The following DNAH12 variants were observed in gnomAD, a reference collection of about 807,000 sequenced individuals.
DNAH12 encodes axonemal beta dynein heavy chain 12.
In DNAH12, 285 loss-of-function variants were observed where a neutral mutation model predicts 371.5. The observed-to-expected ratio is 0.77, with a 90% CI of 0.70 to 0.85. The LOEUF (loss-of-function observed/expected upper bound fraction) is 0.85. DNAH12 is among the 40% of genes least tolerant of loss of function. The probability of loss-of-function intolerance (pLI) is 0.00; values close to 1 mark genes in which losing one functional copy is unlikely to be tolerated. For synonymous variants in DNAH12, 1,200 were observed against 1,213.0 expected (o/e 0.99, Z 0.22); for missense variants, 3,611 against 3,689.4 (o/e 0.98, Z 0.55).
chr3:57,406,724 T>A (rs2064039603), intron 40 of DNAH12, among the ~76,000 whole-genome samples: 1 of 152,208 alleles, frequency 6.6e-6, no homozygotes, highest in Admixed American at 6.5e-5. Context: ...ATTTGTTCTC[T>A]CTCTTCCCTT....
chr3:57,446,656 GAGCACCTCCAAGGTTTAAATAGAA>G lies in DNAH12; in HGVS notation c.3796_3819del (p.Phe1266_Ala1273del). 1 of 1,544,160 alleles carries G rather than the reference GAGCACCTCCAAGGTTTAAATAGAA, an allele frequency of 6.5e-7. No individual in the cohort carries two copies. ...TTTCCTGTGCCTGCTGGCCCCTCTG[GAGCACCTCCAAGGTTTAAATAGAA>G]AGCACCTATCTGAAATGAAAAACAC... is the stretch of plus-strand genomic sequence containing the variant. On this transcript the variant is annotated inframe_deletion, in exon 26 of 74. Coordinates refer to ENST00000495027, the MANE Select transcript of DNAH12 (RefSeq NM_001366028.2).
In DNAH12 at chr3:57,334,488, G is replaced by A; in HGVS notation, c.9955C>T (p.Leu3319Phe). 1 of 1,549,252 alleles carries A rather than the reference G, an allele frequency of 6.5e-7. No homozygotes were observed. Residue 3319 changes from leucine (L) to phenylalanine (F), a missense_variant, in exon 62 of 74, where the codon CTT (leucine) becomes TTT (phenylalanine). This residue lies in a region of DNAH12 where 2,266 missense variants were observed against 2,236.9 expected (regional missense o/e 1.01). Coordinates refer to ENST00000495027, the MANE Select transcript of DNAH12 (RefSeq NM_001366028.2). Reference sequence around the variant, plus strand: ...ACCTTATCAGGTCTTAAACACCGAAGAATTATTATTTTCTGTAGTTCATTT... The same window carrying A: ...ACCTTATCAGGTCTTAAACACCGAAAAATTATTATTTTCTGTAGTTCATTT... ...NLNELQKIII[L>F]RCLRPDKITP...
At chr3:57,502,506 G>A (rs368939877) in intron 9 of DNAH12, 27 bp from the exon 10 acceptor site, 13 of 1,597,226 alleles carry the variant, frequency 8.1e-6, no homozygotes, top group Admixed American at 3.4e-5. Flanking sequence ...TAATAACAAT[G>A]TATACAATAA....
At chr3:57,414,300 A>G (rs944584367) in intron 38 of DNAH12, among the ~76,000 whole-genome samples, 28 of 152,222 alleles carry the variant, frequency 1.8e-4, no homozygotes, top group Admixed American at 7.2e-4. Flanking sequence ...TGTTTCTACA[A>G]CATTTCTACA....
chr3:57,458,637 A>G (rs959324720), intron 20 of DNAH12, among the ~76,000 whole-genome samples: 2 of 152,202 alleles, frequency 1.3e-5, no homozygotes, highest in Non-Finnish European at 2.9e-5. Flanking sequence ...ATAAGTTGTA[A>G]GCTAAAAATT....
chr3:57,342,428 C>T (rs2062422298), intron 60 of DNAH12, among the ~76,000 whole-genome samples: 1 of 134,066 alleles, frequency 7.5e-6, no homozygotes, highest in South Asian at 2.3e-4. Flanking sequence ...ATCATGAGGT[C>T]AGGAGTTCGA....
At chr3:57,472,387 G>T (rs1003231808) in intron 14 of DNAH12, among the ~76,000 whole-genome samples, 159 bp downstream of exon 14, 4 of 152,114 alleles carry the variant, frequency 2.6e-5, no homozygotes, top group Admixed American at 2.6e-4. Flanking sequence ...CTAACAGCTT[G>T]TCTTAAGCCT....
chr3:57,306,177 G>A (rs2107667523), intron 69 of DNAH12, among the ~76,000 whole-genome samples: 1 of 152,266 alleles, frequency 6.6e-6, no homozygotes, highest in East Asian at 1.9e-4. Context: ...GATCGCCTCA[G>A]AAGCCCCTAA....
intron 2 of DNAH12, among the ~76,000 whole-genome samples, chr3:57,528,496 G>C (rs112275046): frequency 1 from 149,155 of 149,172 alleles, 74,569 homozygotes; most frequent in Middle Eastern, 1. Context: ...GAGGCCAAGG[G>C]GGGGGGATCC....
chr3:57,516,924 G>A (rs2068221882), intron 4 of DNAH12, among the ~76,000 whole-genome samples: 1 of 152,080 alleles, frequency 6.6e-6, no homozygotes, highest in Non-Finnish European at 1.5e-5. Context: ...CCTCATCTCT[G>A]GCTCCTGACC....
At chr3:57,477,814 G>C (rs562006129) in intron 13 of DNAH12, among the ~76,000 whole-genome samples, 5 of 152,074 alleles carry the variant, frequency 3.3e-5, no homozygotes, top group African/African-American at 1.2e-4. Flanking sequence ...AGGCAAACAG[G>C]GTCTGGAGTG....
chr3:57,520,068 G>A (rs961497269), intron 4 of DNAH12: 2 of 491,816 alleles, frequency 4.1e-6, no homozygotes, highest in Non-Finnish European at 7.0e-6. Context: ...AGGCTGTGGC[G>A]GCTCTGTGGC....
intron 2 of DNAH12, among the ~76,000 whole-genome samples, chr3:57,526,535 T>C (rs891849331): frequency 6.7e-6 from 1 of 149,520 alleles, no homozygotes; most frequent in African/African-American, 2.5e-5. Flanking sequence ...ATCTTTTTTT[T>C]TTTTTTTTTT....
chr3:57,386,388 T>C (rs2063500128), intron 47 of DNAH12, 53 bp downstream of exon 47: 2 of 150,910 alleles, frequency 1.3e-5, no homozygotes, highest in South Asian at 4.1e-4. Flanking sequence ...TGTATTATTA[T>C]TTCTTATACT....
intron 29 of DNAH12, among the ~76,000 whole-genome samples, chr3:57,438,052 T>C (rs2065183388): frequency 6.6e-6 from 1 of 152,160 alleles, no homozygotes; most frequent in Non-Finnish European, 1.5e-5. Context: ...CTCATGCCTG[T>C]AATCCCAGCA....
chr3:57,322,439 T>C lies in DNAH12; in HGVS notation c.10428A>G (p.Glu3476=), dbSNP rs1350278364. The change falls in exon 65 of 74, where the codon GAA becomes GAG. Residue 3476 remains glutamate (E), a synonymous_variant. Coordinates refer to ENST00000495027, the MANE Select transcript of DNAH12 (RefSeq NM_001366028.2). Reference sequence around the variant, plus strand: ...GATTCAGCCGAAGACCCGTGGGAGGTTCATTAGTCATTTTTACTCCATTCT... The same window carrying C: ...GATTCAGCCGAAGACCCGTGGGAGGCTCATTAGTCATTTTTACTCCATTCT... ...ILQNGVKMTN[E]PPTGLRLNLL... The C allele has an allele frequency of 1.3e-6, 2 of 1,551,826 alleles. No homozygotes were observed. Among genetic ancestry groups the C allele is most frequent in the Non-Finnish European group, 1.7e-6 (2 of 1,147,070 alleles).
intron 69 of DNAH12, among the ~76,000 whole-genome samples, chr3:57,306,515 T>C (rs1472996104): frequency 6.6e-6 from 1 of 152,046 alleles, no homozygotes; most frequent in East Asian, 1.9e-4. Flanking sequence ...CATTGCCGCC[T>C]TTTCCCCCAG....
chr3:57,508,488 G>T lies in DNAH12; in HGVS notation c.595C>A (p.Gln199Lys), dbSNP rs1172855483. Residue 199 changes from glutamine to lysine, a missense_variant, in exon 7 of 74, where the codon CAA (glutamine) becomes AAA (lysine). By Grantham distance (53) the Gln-to-Lys change is moderately conservative (BLOSUM62 1). Transcript: ENST00000495027. ...ATAATGTGCAAATTAGAGAATATTT[G>T]ATTTCTTGCCTGCACATAGCTAGAA... ...WHSSYVQARN[Q>K]IFSNLHIIHP... is the part of the protein sequence containing the mutation. 1.9e-6 allele frequency: 3 copies of T among 1,612,958 alleles called. No homozygotes were observed. The highest frequency in any genetic ancestry group is 2.2e-5 in the East Asian group (1 of 44,816).
chr3:57,392,612 C>CA (rs1408621526), intron 44 of DNAH12, among the ~76,000 whole-genome samples: 1 of 151,304 alleles, frequency 6.6e-6, no homozygotes, highest in African/African-American at 2.4e-5. Context: ...AAACAAACAA[C>CA]AAAAAAACAC....
Sources: gnomAD v4.1 joint callset for allele counts (sites outside exome capture counted in the v4.1 genomes callset) on GRCh38, gnomAD v4.1.1 for gene constraint, gnomAD v4.1.1 regional missense constraint, MANE v1.5 for transcripts, NCBI Gene and HGNC (gene_info 2026-07-23, HGNC 2026-07-21) for gene names.